Variants in FAM81A observed in about 807,000 individuals in gnomAD.
FAM81A encodes family with sequence similarity 81 member A, also known as protein FAM81A.
A neutral mutation model predicts 46.7 loss-of-function variants in FAM81A; 19 were observed. That is an observed-to-expected ratio of 0.41 (90% CI 0.28 to 0.60). FAM81A has a LOEUF of 0.60. FAM81A is among the 20% of genes least tolerant of loss of function. The pLI, the probability that FAM81A is intolerant of heterozygous loss-of-function variation, is 0.34. For missense variants in FAM81A, 377 were observed against 453.5 expected (o/e 0.83, Z 1.53); for synonymous variants, 183 against 152.9 (o/e 1.20, Z -1.45).
chr15:59,520,756 G>C (rs930066232), intron 8 of FAM81A, among the ~76,000 whole-genome samples: 1 of 152,124 alleles, frequency 6.6e-6, no homozygotes, highest in Admixed American at 6.5e-5. Flanking sequence ...GTAGAGACAG[G>C]GTTTCGCCGT....
intron 2 of FAM81A, among the ~76,000 whole-genome samples, chr15:59,431,013 A>G (rs1308282089): frequency 6.6e-6 from 1 of 152,190 alleles, no homozygotes; most frequent in Non-Finnish European, 1.5e-5. Context: ...AATAATATAA[A>G]TAATAACTAA....
chr15:59,441,018 T>C (rs79496410), intron 1 of FAM81A, among the ~76,000 whole-genome samples: 377 of 152,316 alleles, frequency 2.5e-3, no homozygotes, highest in Non-Finnish European at 3.7e-3. Context: ...TTTACCTTCC[T>C]CAAGGCCCCC....
intron 3 of FAM81A, among the ~76,000 whole-genome samples, chr15:59,487,476 G>T (rs1283794615): frequency 6.6e-6 from 1 of 151,196 alleles, no homozygotes; most frequent in Admixed American, 6.6e-5. Flanking sequence ...CAAAAAGTTG[G>T]GTTTTTGAAA....
intron 2 of FAM81A, among the ~76,000 whole-genome samples, chr15:59,419,019 T>C (rs1389121833): frequency 6.6e-6 from 1 of 152,246 alleles, no homozygotes; most frequent in African/African-American, 2.4e-5. Context: ...TCAAATCTCT[T>C]GGCTGGTTTC....
chr15:59,467,590 A>C (rs1290055545), intron 3 of FAM81A, among the ~76,000 whole-genome samples: 1 of 152,232 alleles, frequency 6.6e-6, no homozygotes, highest in Non-Finnish European at 1.5e-5. Flanking sequence ...GTTGCTTATC[A>C]GCTTAAGAAG....
intron 2 of FAM81A, among the ~76,000 whole-genome samples, chr15:59,428,135 T>C (rs1305875000): frequency 6.6e-6 from 1 of 152,222 alleles, no homozygotes; most frequent in African/African-American, 2.4e-5. Context: ...AGTTTTGATT[T>C]GTGTTTCTCT....
At chr15:59,494,340 G>A (rs755590722) in intron 4 of FAM81A, among the ~76,000 whole-genome samples, 37 of 152,160 alleles carry the variant, frequency 2.4e-4, no homozygotes, top group African/African-American at 7.5e-4. Context: ...CTTGAGTTGC[G>A]GATGAAGATC....
chr15:59,509,819 C>CGAGGGTGACTGGAACAGGGAGT (rs2082186279), intron 6 of FAM81A, among the ~76,000 whole-genome samples: 1 of 151,904 alleles, frequency 6.6e-6, no homozygotes, highest in Non-Finnish European at 1.5e-5. Context: ...TGAAAGATGG[C>CGAGGGTGACTGGAACAGGGAGT]GAGGGTGACT....
intron 2 of FAM81A, among the ~76,000 whole-genome samples, chr15:59,405,458 T>C (rs965810422): frequency 6.6e-6 from 1 of 151,976 alleles, no homozygotes; most frequent in Admixed American, 6.6e-5. Flanking sequence ...CAGGACAACA[T>C]GGCAAAACCC....
chr15:59,485,457 A>G (rs182742163), intron 3 of FAM81A, among the ~76,000 whole-genome samples: 3 of 152,316 alleles, frequency 2.0e-5, no homozygotes, highest in African/African-American at 7.2e-5. Context: ...AAGGGAAGGG[A>G]AGGAGAGTCT....
rs2082328020 is a variant in FAM81A, at chr15:59,521,490, T to C, written c.*112T>C. 7.7e-7 allele frequency: 1 copy of C among 1,301,848 alleles called. No individual in the cohort carries two copies. The highest frequency in any genetic ancestry group is 3.3e-5 in the Admixed American group (1 of 30,492). The allele number at this position is 1,301,848 out of a possible 1,614,324, so 80.6% of individuals were successfully genotyped here. A position where few individuals can be genotyped will look rare whatever the true frequency, so the allele number is the denominator to read the frequency against. On this transcript the variant is annotated 3_prime_UTR_variant, in exon 9 of 9. Transcript: ENST00000288228. ...AGGATTGTTCCATCCATGGCGTGCATGTGCCAAGAAATGTGTTTTTATGGG... is the reference window on the plus strand; with the variant it reads ...AGGATTGTTCCATCCATGGCGTGCACGTGCCAAGAAATGTGTTTTTATGGG...
chr15:59,487,095 A>G (rs953875632), intron 3 of FAM81A, among the ~76,000 whole-genome samples: 2 of 150,894 alleles, frequency 1.3e-5, no homozygotes, highest in Non-Finnish European at 3.0e-5. Context: ...TAGACAGTAC[A>G]ATAAGATATG....
intron 4 of FAM81A, among the ~76,000 whole-genome samples, chr15:59,497,868 T>A (rs901269518): frequency 2.6e-5 from 4 of 151,926 alleles, no homozygotes; most frequent in Non-Finnish European, 4.4e-5. Flanking sequence ...TTAAAAAAAA[T>A]TTTTTTAGAA....
intron 2 of FAM81A, among the ~76,000 whole-genome samples, chr15:59,419,406 T>A (rs985575234): frequency 6.6e-6 from 1 of 152,228 alleles, no homozygotes; most frequent in Admixed American, 6.5e-5. Context: ...CTTCTATGTA[T>A]GAAATTGCAA....
At chr15:59,450,146 C>T (rs2141611450) in intron 1 of FAM81A, among the ~76,000 whole-genome samples, 1 of 147,500 alleles carries the variant, frequency 6.8e-6, no homozygotes, top group Admixed American at 6.8e-5. Context: ...CCATGTTGCC[C>T]AGGCCCAGTC....
intron 3 of FAM81A, among the ~76,000 whole-genome samples, chr15:59,489,922 A>G (rs999473450): frequency 6.6e-6 from 1 of 152,180 alleles, no homozygotes; most frequent in African/African-American, 2.4e-5. Context: ...TGGATTAAAG[A>G]TTAGAGAGGA....
intron 1 of FAM81A, among the ~76,000 whole-genome samples, chr15:59,441,055 C>T (rs2081292232): frequency 1.3e-5 from 2 of 152,220 alleles, no homozygotes; most frequent in Admixed American, 6.5e-5. Context: ...CTCTCTTTGT[C>T]CTTCTTTATT....
At chr15:59,426,337 T>C (rs1466293931) in intron 2 of FAM81A, among the ~76,000 whole-genome samples, 1 of 152,118 alleles carries the variant, frequency 6.6e-6, no homozygotes, top group Non-Finnish European at 1.5e-5. Context: ...CCAGGTGTGA[T>C]GGCTCTTGCC....
chr15:59,431,862 C>T (rs1276384921), intron 2 of FAM81A, among the ~76,000 whole-genome samples: 13 of 152,156 alleles, frequency 8.5e-5, no homozygotes, highest in Non-Finnish European at 1.8e-4. Context: ...AAACCTACTA[C>T]GTGACTATGT....
Sources: gnomAD v4.1 joint callset for allele counts (sites outside exome capture counted in the v4.1 genomes callset) on GRCh38, gnomAD v4.1.1 for gene constraint, MANE v1.5 for transcripts, NCBI Gene and HGNC (gene_info 2026-07-23, HGNC 2026-07-21) for gene names.